Variants in SLC26A1 observed in about 807,000 individuals in gnomAD.
The protein encoded by SLC26A1 is solute carrier family 26 member 1.
Under a neutral mutation model 14.5 loss-of-function variants are expected in SLC26A1, and 18 were observed. The ratio of observed to expected loss-of-function variants is 1.24; its 90% CI spans 0.86 to 1.84. SLC26A1 has a LOEUF of 1.84. SLC26A1 is among the 40% of genes most tolerant of loss of function. The pLI, the probability that SLC26A1 is intolerant of heterozygous loss-of-function variation, is 0.00. For synonymous variants in SLC26A1, 505 were observed against 492.0 expected (o/e 1.03, Z -0.35); for missense variants, 1,049 against 1,020.0 (o/e 1.03, Z -0.39).
chr4:981,208 C>T (rs910731102), intron 2 of SLC26A1, among the ~76,000 whole-genome samples: 5 of 152,376 alleles, frequency 3.3e-5, no homozygotes, highest in African/African-American at 4.8e-5. Context: ...TCTTCAGAGG[C>T]GCGGGCCCAC....
downstream of SLC26A1, chr4:986,925 G>A (rs1329602912): frequency 1.4e-6 from 1 of 723,042 alleles, no homozygotes; most frequent in East Asian, 3.0e-5. Context: ...GGCTCCCCGA[G>A]GCTCCCCGAG....
chr4:991,874 C>A, intron 1 of SLC26A1, 144 bp from the exon 2 acceptor site: 1 of 1,458,474 alleles, frequency 6.9e-7, no homozygotes, highest in Non-Finnish European at 9.3e-7. Flanking sequence ...CCTGGCAGCG[C>A]GGGCCCCAGC....
chr4:984,834 T>C (rs1713650227), downstream of SLC26A1, among the ~76,000 whole-genome samples: 1 of 152,078 alleles, frequency 6.6e-6, no homozygotes, highest in Non-Finnish European at 1.5e-5. Flanking sequence ...CAAAAAAAAT[T>C]CTGGAGTTTA....
Position 991,550 on chromosome 4 carries a change from C to A in SLC26A1, c.154G>T (p.Asp52Tyr). 1 of 1,605,454 alleles carries A rather than the reference C, an allele frequency of 6.2e-7. No homozygotes were observed. The highest frequency in any genetic ancestry group is 8.5e-7 in the Non-Finnish European group (1 of 1,177,068). The change falls in exon 2 of 3, where the codon GAC becomes TAC. Residue 52 changes from aspartate (D) to tyrosine (Y), a missense_variant. Asp to Tyr is a radical substitution (Grantham distance 160). Transcript: ENST00000398516. ...SVLCVRALVQ[D>Y]LLPATRWLRQ... ...AGCCAGCGCGTGGCGGGGAGCAGGT[C>A]CTGCACCAGCGCCCGGACGCACAGC...
chr4:992,828 A>T (rs1714477090), intron 1 of SLC26A1: 1 of 152,240 alleles, frequency 6.6e-6, no homozygotes, highest in Non-Finnish European at 1.5e-5. Flanking sequence ...ACTCCAATGT[A>T]CTTTCACTTT....
Position 987,674 on chromosome 4 carries a change from C to T in SLC26A1, c.*1159G>A. 1 of 1,493,604 alleles carries T rather than the reference C, an allele frequency of 6.7e-7. No individual in the cohort carries two copies. Among genetic ancestry groups the T allele is most frequent in the East Asian group, 2.5e-5 (1 of 40,354 alleles). The allele number at this position is 1,493,604 out of a possible 1,614,324, so 92.5% of individuals were successfully genotyped here. On this transcript the variant is annotated 3_prime_UTR_variant, in exon 3 of 3. Transcript: ENST00000398516. Reference sequence around the variant, plus strand: ...TCCCCACATTCCTGGCCCTAAGGGTCATTTTATTAGTCACTGAACGCACGG... The same window carrying T: ...TCCCCACATTCCTGGCCCTAAGGGTTATTTTATTAGTCACTGAACGCACGG...
chr4:991,540 G>A lies in SLC26A1; in HGVS notation c.164C>T (p.Pro55Leu), dbSNP rs1347520778. 1 of 1,605,804 alleles carries A rather than the reference G, an allele frequency of 6.2e-7. No individual in the cohort carries two copies. Among genetic ancestry groups the A allele is most frequent in the Non-Finnish European group, 8.5e-7 (1 of 1,176,338 alleles). Reference protein sequence around the residue: ...CVRALVQDLLPATRWLRQYRP... With the variant: ...CVRALVQDLLLATRWLRQYRP... Reference sequence around the variant, plus strand: ...GTACTGACGCAGCCAGCGCGTGGCGGGGAGCAGGTCCTGCACCAGCGCCCG... The same window carrying A: ...GTACTGACGCAGCCAGCGCGTGGCGAGGAGCAGGTCCTGCACCAGCGCCCG... Residue 55 changes from proline to leucine, a missense_variant, in exon 2 of 3, where the codon CCC becomes CTC. Pro to Leu is a moderately conservative substitution (Grantham distance 98). Transcript: ENST00000398516.
intron 1 of SLC26A1, 63 bp from the exon 2 acceptor site, chr4:991,793 C>T (rs1714367020): frequency 1.3e-6 from 2 of 1,531,240 alleles, no homozygotes; most frequent in South Asian, 1.2e-5. Context: ...CGACAAGGTC[C>T]CCGGCAGCAA....
chr4:991,527 C>G lies in SLC26A1; in HGVS notation c.177G>C (p.Trp59Cys), dbSNP rs1387025958. The change falls in exon 2 of 3, where the codon TGG (tryptophan) becomes TGC (cysteine). Residue 59 changes from tryptophan (W) to cysteine (C), a missense_variant. Trp to Cys is a radical substitution (Grantham distance 215). Coordinates refer to ENST00000398516, the MANE Select transcript of SLC26A1 (RefSeq NM_022042.4). ...LVQDLLPATR[W>C]LRQYRPREYL... The stretch of plus-strand genomic sequence containing the variant: ...ACTCCCGCGGGCGGTACTGACGCAG[C>G]CAGCGCGTGGCGGGGAGCAGGTCCT... 6.2e-7 allele frequency: 1 copy of G among 1,606,816 alleles called. No individual in the cohort carries two copies. The highest frequency in any genetic ancestry group is 8.5e-7 in the Non-Finnish European group (1 of 1,176,338).
downstream of SLC26A1, among the ~76,000 whole-genome samples, chr4:985,580 G>A (rs140265326): frequency 7.2e-5 from 11 of 152,256 alleles, no homozygotes; most frequent in East Asian, 1.3e-3. Context: ...CTCTGGGGTC[G>A]TTGGACTGAG....
At chr4:984,124 C>T (rs1205947625), downstream of SLC26A1, among the ~76,000 whole-genome samples, 2 of 152,210 alleles carry the variant, frequency 1.3e-5, no homozygotes, top group African/African-American at 4.8e-5. Context: ...CTTGCTCAGC[C>T]TAGTTGGATT....
At position 989,998 on chromosome 4, in the gene SLC26A1, C is replaced by A; in HGVS notation, c.941G>T (p.Arg314Leu). 6.4e-7 allele frequency: 1 copy of A among 1,567,542 alleles called. No homozygotes were observed. Among genetic ancestry groups the A allele is most frequent in the Non-Finnish European group, 8.6e-7 (1 of 1,158,168 alleles). Residue 314 changes from arginine (R) to leucine (L), a missense_variant, in exon 3 of 3, where the codon CGC becomes CTC. Coordinates refer to ENST00000398516, the MANE Select transcript of SLC26A1 (RefSeq NM_022042.4). ...GTCGCCAGCCACGCTCGAGCCAAAG[C>A]GCTTGTGGAGCTGCCCGAAGTGCGA... ...LVSHFGQLHKRFGSSVAGDIP... is the reference protein window; with the variant it reads ...LVSHFGQLHKLFGSSVAGDIP...
chr4:979,317 T>A, exon 3 of SLC26A1: 1 of 802,518 alleles, frequency 1.2e-6, no homozygotes, highest in Non-Finnish European at 2.1e-6. Context: ...AGCCTCCCTC[T>A]GGAATAAGCT....
At chr4:987,107 C>A, downstream of SLC26A1, 1 of 1,456,534 alleles carries the variant, frequency 6.9e-7, no homozygotes, top group Non-Finnish European at 9.0e-7. Context: ...CGCCCCCGCG[C>A]CGCGCTGCTG....
chr4:990,543 T>G (rs1714206159), intron 2 of SLC26A1, 181 bp from the exon 3 acceptor site: 2 of 624,466 alleles, frequency 3.2e-6, no homozygotes, highest in Non-Finnish European at 5.6e-6. Flanking sequence ...CCACGCGTGC[T>G]CATGCCCGCA....
At chr4:990,648 GAATT>G (rs1196950771) in intron 2 of SLC26A1, 2 of 484,578 alleles carry the variant, frequency 4.1e-6, no homozygotes, top group African/African-American at 2.0e-5. Flanking sequence ...TTTTATTTCA[GAATT>G]AAGACCTCTG....
intron 2 of SLC26A1, chr4:990,738 G>A (rs544709448): frequency 2.0e-5 from 8 of 393,472 alleles, no homozygotes; most frequent in Admixed American, 4.3e-5. Context: ...TGGAGCCAAC[G>A]GGGGCCAAGG....
rs763681246 is a variant in SLC26A1 at position 989,111 on chromosome 4, G to A, written c.1828C>T (p.His610Tyr). Reference protein sequence around the residue: ...AALVPAAAGFHTVVIDCAPLL... With the variant: ...AALVPAAAGFYTVVIDCAPLL... ...GGGGCGCAGTCGATGACCACTGTGT[G>A]GAAGCCGGCCGCTGCGGGCACCAGC... The change falls in exon 3 of 3, where the codon CAC (histidine) becomes TAC (tyrosine). Residue 610 changes from histidine (H) to tyrosine (Y), a missense_variant. By Grantham distance (83) the His-to-Tyr change is moderately conservative. Coordinates refer to ENST00000398516, the MANE Select transcript of SLC26A1 (RefSeq NM_022042.4). 6.2e-7 allele frequency: 1 copy of A among 1,605,110 alleles called. No individual in the cohort carries two copies. Among genetic ancestry groups the A allele is most frequent in the South Asian group, 1.1e-5 (1 of 90,174 alleles).
downstream of SLC26A1, among the ~76,000 whole-genome samples, chr4:983,520 G>A (rs1028608409): frequency 4.6e-5 from 7 of 152,266 alleles, no homozygotes; most frequent in Admixed American, 4.6e-4. Context: ...AACCGAAGCA[G>A]ATGGGCCTCG....
Sources: allele counts gnomAD v4.1 joint callset (sites outside exome capture counted in the v4.1 genomes callset), GRCh38; gene constraint gnomAD v4.1.1; transcripts MANE v1.5; gene names NCBI Gene and HGNC (gene_info 2026-07-23, HGNC 2026-07-21).